Variants in TAFA2 observed in about 807,000 individuals in gnomAD.
TAFA2 encodes chemokine-like protein TAFA-2.
In TAFA2, 7 loss-of-function variants were observed where a neutral mutation model predicts 18.8. The ratio of observed to expected loss-of-function variants is 0.37; its 90% CI spans 0.21 to 0.70. The LOEUF (loss-of-function observed/expected upper bound fraction) is 0.70, where lower values mean the gene tolerates loss of function less well. TAFA2 is among the 30% of genes least tolerant of loss of function. The pLI, the probability that TAFA2 is intolerant of heterozygous loss-of-function variation, is 0.53. For synonymous variants in TAFA2, 60 were observed against 54.2 expected, an observed-to-expected ratio of 1.11 and a Z score of -0.47; for missense variants, 122 against 158.1, an observed-to-expected ratio of 0.77 and a Z score of 1.23.
intron 2 of TAFA2, among the ~76,000 whole-genome samples, chr12:61,804,578 T>C (rs1478563486): frequency 6.6e-6 from 1 of 152,062 alleles, no homozygotes; most frequent in Non-Finnish European, 1.5e-5. Context: ...TGTATTACAA[T>C]GATTCTGGGT....
At chr12:61,967,964 A>G (rs1432961252) in intron 1 of TAFA2, among the ~76,000 whole-genome samples, 1 of 151,798 alleles carries the variant, frequency 6.6e-6, no homozygotes, top group Non-Finnish European at 1.5e-5. Flanking sequence ...TGGTAATGTT[A>G]TGGTGTTCAA....
rs1337934002 is a variant in TAFA2 at position 62,207,026 on chromosome 12, T to C, written c.-130+51737A>G. ...GCCTAGTTAGCTCCAACTCATTTGT[T>C]AAGGCTCAGGACAAGAGTTATCTTC... is the stretch of plus-strand genomic sequence containing the variant. On this transcript the variant is annotated intron_variant, in intron 1 of 5. Transcript: ENST00000551619. The C allele has an allele frequency of 6.6e-5, 10 of 152,242 alleles. No homozygotes were observed. In the South Asian group the frequency reaches 2.1e-3, roughly 32 times the overall value. The allele number at this position is 152,242 out of a possible 1,614,324, so 9.4% of individuals were successfully genotyped here.
At chr12:61,914,357 T>C (rs1443813099) in intron 1 of TAFA2, among the ~76,000 whole-genome samples, 10 of 152,182 alleles carry the variant, frequency 6.6e-5, no homozygotes. Context: ...ACCCAAAATA[T>C]GGGTTGCACC....
chr12:62,216,547 A>G (rs564898379), intron 1 of TAFA2, among the ~76,000 whole-genome samples: 4 of 152,342 alleles, frequency 2.6e-5, no homozygotes, highest in African/African-American at 7.2e-5. Flanking sequence ...ACAGTAAAGT[A>G]AGGCAAACTC....
At chr12:61,793,778 A>G (rs1050456600) in intron 2 of TAFA2, among the ~76,000 whole-genome samples, 1 of 151,868 alleles carries the variant, frequency 6.6e-6, no homozygotes, top group African/African-American at 2.4e-5. Flanking sequence ...TAAAAACAAA[A>G]CACATTGTAA....
At chr12:61,893,265 G>C (rs559150889) in intron 1 of TAFA2, among the ~76,000 whole-genome samples, 1 of 152,336 alleles carries the variant, frequency 6.6e-6, no homozygotes, top group South Asian at 2.1e-4. Flanking sequence ...GCAAGGCTTG[G>C]TGACCTTGAA....
At chr12:61,813,894 T>C (rs905038068) in intron 2 of TAFA2, among the ~76,000 whole-genome samples, 1 of 151,476 alleles carries the variant, frequency 6.6e-6, no homozygotes, top group African/African-American at 2.5e-5. Context: ...AAGTATATAA[T>C]ACACTCTCAA....
At chr12:61,822,907 G>C (rs1456460090) in intron 2 of TAFA2, among the ~76,000 whole-genome samples, 1 of 152,144 alleles carries the variant, frequency 6.6e-6, no homozygotes, top group Non-Finnish European at 1.5e-5. Context: ...AGGAAAAAGA[G>C]TCAAGCCTCT....
chr12:61,947,259 A>G (rs1878303654), intron 1 of TAFA2, among the ~76,000 whole-genome samples: 1 of 144,846 alleles, frequency 6.9e-6, no homozygotes, highest in Non-Finnish European at 1.5e-5. Context: ...TTGAACAATG[A>G]GATCACATGG....
chr12:61,824,535 A>G (rs887315435), intron 2 of TAFA2, among the ~76,000 whole-genome samples: 3 of 152,096 alleles, frequency 2.0e-5, no homozygotes, highest in African/African-American at 7.2e-5. Context: ...TAGCAAAATA[A>G]TTGTAGATAT....
At chr12:61,987,257 T>A (rs1326034571) in intron 1 of TAFA2, among the ~76,000 whole-genome samples, 2 of 152,196 alleles carry the variant, frequency 1.3e-5, no homozygotes, top group African/African-American at 4.8e-5. Flanking sequence ...CCTCTTTACA[T>A]GTAGCTGAAT....
chr12:61,858,168 T>C (rs773618293), intron 2 of TAFA2, among the ~76,000 whole-genome samples: 5 of 152,184 alleles, frequency 3.3e-5, no homozygotes, highest in African/African-American at 4.8e-5. Context: ...CTGTGAAACA[T>C]TGTGTTGCTC....
At chr12:62,005,870 G>GA (rs781525010) in intron 1 of TAFA2, among the ~76,000 whole-genome samples, 6 of 151,984 alleles carry the variant, frequency 3.9e-5, no homozygotes, top group Admixed American at 1.3e-4. Context: ...ATCTGCCAAT[G>GA]AAAAAACATG....
At chr12:62,015,268 T>C (rs1880896452) in intron 1 of TAFA2, among the ~76,000 whole-genome samples, 1 of 152,228 alleles carries the variant, frequency 6.6e-6, no homozygotes. Context: ...CCAAGGATCA[T>C]GTCTATTTTG....
chr12:62,033,652 G>A lies in TAFA2; in HGVS notation c.-2+157607C>T, dbSNP rs372556553. 2.0e-5 allele frequency among the ~76,000 whole-genome samples: 3 copies of A among 152,076 alleles called. No homozygotes were observed. In the East Asian group the frequency reaches 5.8e-4, roughly 29 times the overall value. On this transcript the variant is annotated intron_variant, in intron 1 of 4. Coordinates refer to ENST00000416284, the MANE Select transcript of TAFA2 (RefSeq NM_178539.5). The stretch of plus-strand genomic sequence containing the variant: ...CAATATGAAGAAAATTCTTCAAGGT[G>A]TCATGATGTATGTCACCAACCCATA...
At chr12:61,854,259 A>T (rs531485409) in intron 2 of TAFA2, among the ~76,000 whole-genome samples, 1 of 152,302 alleles carries the variant, frequency 6.6e-6, no homozygotes, top group East Asian at 1.9e-4. Context: ...AAGTACAATA[A>T]GAAGATACAA....
chr12:61,794,956 G>A (rs1362072719), intron 2 of TAFA2, among the ~76,000 whole-genome samples: 1 of 152,180 alleles, frequency 6.6e-6, no homozygotes, highest in Non-Finnish European at 1.5e-5. Flanking sequence ...AGACATTTAT[G>A]CAGCCAACAG....
At chr12:62,211,678 G>A (rs1008936993) in intron 1 of TAFA2, among the ~76,000 whole-genome samples, 1 of 152,070 alleles carries the variant, frequency 6.6e-6, no homozygotes, top group African/African-American at 2.4e-5. Flanking sequence ...ATCATTCAGG[G>A]GTTGGGCTTA....
chr12:62,200,956 A>G (rs1161382414), intron 1 of TAFA2, among the ~76,000 whole-genome samples: 1 of 152,178 alleles, frequency 6.6e-6, no homozygotes. Flanking sequence ...GAGGTCCTCC[A>G]CATCCCTTGT....
Sources: allele counts gnomAD v4.1 joint callset (sites outside exome capture counted in the v4.1 genomes callset), GRCh38; gene constraint gnomAD v4.1.1; transcripts MANE v1.5; gene names NCBI Gene and HGNC (gene_info 2026-07-23, HGNC 2026-07-21).